CSMD1: variants seen among roughly 807,000 people sequenced by gnomAD.
The protein encoded by CSMD1 is CUB and sushi domain-containing protein 1.
In CSMD1, 213 loss-of-function variants were observed where a neutral mutation model predicts 417.5. That is an observed-to-expected ratio of 0.51 (90% CI 0.46 to 0.57). The LOEUF (loss-of-function observed/expected upper bound fraction) is 0.57. CSMD1 is among the 20% of genes least tolerant of loss of function. The pLI, the probability that CSMD1 is intolerant of heterozygous loss-of-function variation, is 0.00. For synonymous variants in CSMD1, 2,862 were observed against 1,736.8 expected (o/e 1.65, Z -16.11); for missense variants, 6,923 against 4,529.7 (o/e 1.53, Z -15.17).
chr8:4,021,889 G>A (rs1796806213), intron 4 of CSMD1, among the ~76,000 whole-genome samples: 1 of 151,890 alleles, frequency 6.6e-6, no homozygotes, highest in Non-Finnish European at 1.5e-5. Flanking sequence ...AGCTTGTAAG[G>A]AAAACAAACT....
At chr8:4,407,814 G>A (rs1467921658) in intron 3 of CSMD1, among the ~76,000 whole-genome samples, 3 of 152,170 alleles carry the variant, frequency 2.0e-5, no homozygotes, top group African/African-American at 2.4e-5. Context: ...ATATGAGAAG[G>A]TTTTGAACAA....
At chr8:4,128,353 T>C (rs1334402390) in intron 3 of CSMD1, among the ~76,000 whole-genome samples, 1 of 152,114 alleles carries the variant, frequency 6.6e-6, no homozygotes, top group African/African-American at 2.4e-5. Context: ...GTGAACCAAG[T>C]AAAAACTTAT....
intron 27 of CSMD1, among the ~76,000 whole-genome samples, chr8:3,224,555 T>G (rs1563159292): frequency 6.6e-6 from 1 of 152,204 alleles, no homozygotes; most frequent in Admixed American, 6.5e-5. Context: ...GCTCTAAGTA[T>G]ACATATCAGT....
intron 12 of CSMD1, among the ~76,000 whole-genome samples, chr8:3,434,083 T>C (rs1814397921): frequency 6.6e-6 from 1 of 152,252 alleles, no homozygotes; most frequent in South Asian, 2.1e-4. Context: ...GAGGTCTTAG[T>C]AGCATCTGAT....
chr8:3,278,655 T>TA (rs1802495748), intron 26 of CSMD1: 1 of 84,254 alleles, frequency 1.2e-5, no homozygotes, highest in Non-Finnish European at 2.4e-5. Flanking sequence ...AAGTTCCTCG[T>TA]TTTTTTTTTG....
At chr8:3,872,809 AACTT>A (rs1805565453) in intron 5 of CSMD1, among the ~76,000 whole-genome samples, 1 of 151,564 alleles carries the variant, frequency 6.6e-6, no homozygotes, top group Non-Finnish European at 1.5e-5. Flanking sequence ...ATTTGTAAGC[AACTT>A]AAACAAATTT....
chr8:3,147,629 G>C (rs142668901), intron 40 of CSMD1, among the ~76,000 whole-genome samples: 134 of 152,270 alleles, frequency 8.8e-4, no homozygotes, highest in African/African-American at 3.0e-3. Context: ...GAGCACCCTG[G>C]GGGGCAGTCA....
intron 3 of CSMD1, among the ~76,000 whole-genome samples, chr8:4,204,982 T>C (rs747756806): frequency 6.6e-6 from 1 of 152,162 alleles, no homozygotes; most frequent in Non-Finnish European, 1.5e-5. Flanking sequence ...TTTCTTATTA[T>C]AATAAGAATA....
chr8:4,441,081 T>A (rs1351584217), intron 2 of CSMD1, among the ~76,000 whole-genome samples: 1 of 145,720 alleles, frequency 6.9e-6, no homozygotes, highest in African/African-American at 2.6e-5. Context: ...ATAATTTGAC[T>A]CGTTAATCAA....
intron 2 of CSMD1, among the ~76,000 whole-genome samples, chr8:4,623,817 T>C (rs1221460155): frequency 6.6e-6 from 1 of 152,012 alleles, no homozygotes; most frequent in African/African-American, 2.4e-5. Flanking sequence ...CAGAAAACAG[T>C]TCAGTGGTGT....
chr8:3,985,274 T>C (rs1814233175), intron 5 of CSMD1, among the ~76,000 whole-genome samples: 2 of 152,192 alleles, frequency 1.3e-5, no homozygotes, highest in South Asian at 4.1e-4. Flanking sequence ...TCCCACACCA[T>C]GCACAAAGCA....
chr8:3,376,095 T>C (rs73173161), intron 18 of CSMD1, among the ~76,000 whole-genome samples: 1,827 of 152,322 alleles, frequency 0.012, 20 homozygotes, highest in Non-Finnish European at 0.019. Flanking sequence ...GCTATGCTGA[T>C]AGATTTTAAA....
intron 3 of CSMD1, among the ~76,000 whole-genome samples, chr8:4,408,263 G>C (rs907717225): frequency 1.3e-5 from 2 of 152,098 alleles, no homozygotes; most frequent in Non-Finnish European, 1.5e-5. Flanking sequence ...CAGAGGATAT[G>C]AAAGAATATA....
At chr8:3,442,265 T>C (rs1028283695) in intron 12 of CSMD1, among the ~76,000 whole-genome samples, 3 of 152,134 alleles carry the variant, frequency 2.0e-5, no homozygotes, top group African/African-American at 4.8e-5. Context: ...AAGAAATAAA[T>C]TTTATAAATA....
intron 3 of CSMD1, among the ~76,000 whole-genome samples, chr8:4,228,909 T>A (rs1475646091): frequency 6.6e-6 from 1 of 152,106 alleles, no homozygotes; most frequent in Non-Finnish European, 1.5e-5. Context: ...CTTGAACTCC[T>A]GACTGCCTCG....
At chr8:4,127,827 C>T (rs950363523) in intron 3 of CSMD1, among the ~76,000 whole-genome samples, 1 of 152,074 alleles carries the variant, frequency 6.6e-6, no homozygotes, top group South Asian at 2.1e-4. Flanking sequence ...ATTTATCATT[C>T]TTATTATTAT....
chr8:3,913,235 T>C (rs932977200), intron 5 of CSMD1, among the ~76,000 whole-genome samples: 1 of 152,122 alleles, frequency 6.6e-6, no homozygotes, highest in Admixed American at 6.5e-5. Flanking sequence ...GAATAAACAT[T>C]CAGGAATCCT....
intron 1 of CSMD1, among the ~76,000 whole-genome samples, chr8:4,833,068 C>T (rs542168064): frequency 1.3e-5 from 2 of 152,264 alleles, no homozygotes; most frequent in East Asian, 3.9e-4. Context: ...GTATATACCA[C>T]TTGCCAATTC....
chr8:4,816,382 G>C (rs1374560932), intron 1 of CSMD1, among the ~76,000 whole-genome samples: 17 of 151,922 alleles, frequency 1.1e-4, no homozygotes, highest in Admixed American at 6.6e-5. Flanking sequence ...AGCGGGAGAT[G>C]GGGGGCTGGG....
Sources: allele counts gnomAD v4.1 joint callset (sites outside exome capture counted in the v4.1 genomes callset), GRCh38; gene constraint gnomAD v4.1.1; transcripts MANE v1.5; gene names NCBI Gene and HGNC (gene_info 2026-07-23, HGNC 2026-07-21).